The following SEC24A variants were observed in gnomAD, a reference collection of about 807,000 sequenced individuals.
The protein encoded by SEC24A is SEC24 homolog A, COPII component, also known as protein transport protein Sec24A.
SEC24A carries 93 observed loss-of-function variants against 129.4 expected under a neutral mutation model. That is an observed-to-expected ratio of 0.72 (90% CI 0.61 to 0.85). The LOEUF is 0.85. SEC24A is among the 40% of genes least tolerant of loss of function. The pLI, the probability that SEC24A is intolerant of heterozygous loss-of-function variation, is 0.00. For synonymous variants in SEC24A, 460 were observed against 467.3 expected (o/e 0.98, Z 0.20); for missense variants, 1,264 against 1,307.4 (o/e 0.97, Z 0.51).
chr5:134,670,226 A>G (rs995176907), intron 3 of SEC24A, among the ~76,000 whole-genome samples: 2 of 152,168 alleles, frequency 1.3e-5, no homozygotes, highest in African/African-American at 4.8e-5. Context: ...CGCCTTGCCT[A>G]CATTTTTTTA....
chr5:134,687,719 C>A (rs982304613), intron 10 of SEC24A, among the ~76,000 whole-genome samples: 5 of 152,158 alleles, frequency 3.3e-5, no homozygotes, highest in Non-Finnish European at 5.9e-5. Flanking sequence ...GAGTGAAAAA[C>A]AGTTTGTTCT....
chr5:134,700,652 C>G (rs1170886840), intron 15 of SEC24A, among the ~76,000 whole-genome samples: 1 of 150,596 alleles, frequency 6.6e-6, no homozygotes, highest in Non-Finnish European at 1.5e-5. Context: ...GAAGGTCTCT[C>G]TTATCTATCC....
At chr5:134,692,057 C>CTTT (rs61531967) in intron 11 of SEC24A, among the ~76,000 whole-genome samples, 9 of 127,928 alleles carry the variant, frequency 7.0e-5, no homozygotes, top group Admixed American at 1.7e-4. Flanking sequence ...TTTTTCTTTC[C>CTTT]TTTTTTTTTT....
intron 21 of SEC24A, among the ~76,000 whole-genome samples, chr5:134,722,548 C>T (rs553760685): frequency 2.6e-5 from 4 of 152,048 alleles, no homozygotes; most frequent in Non-Finnish European, 4.4e-5. Flanking sequence ...GCCAATATCA[C>T]GCCATTGCAC....
In SEC24A at chr5:134,654,217, A is replaced by AT. The variant is rs1296297507; in HGVS notation, c.97+5044_97+5045insT. 9.5e-4 allele frequency among the ~76,000 whole-genome samples: 143 copies of AT among 150,678 alleles called. 2 individuals carry two copies. The highest frequency in any genetic ancestry group is 9.8e-4 in the East Asian group (5 of 5,126). On this transcript the variant is annotated intron_variant, in intron 1 of 22. Transcript: ENST00000398844. ...TAACAGTAGCCTTTTTCAAAAAAAAAAAATATATATATATATTTTTTGAGA... is the reference window on the plus strand; with the variant it reads ...TAACAGTAGCCTTTTTCAAAAAAAAATAAATATATATATATATTTTTTGAGA...
chr5:134,685,710 G>A (rs1255555612), intron 9 of SEC24A, among the ~76,000 whole-genome samples: 1 of 152,034 alleles, frequency 6.6e-6, no homozygotes, highest in Non-Finnish European at 1.5e-5. Flanking sequence ...TTGGCCAGGT[G>A]CAGTGGCTCA....
intron 7 of SEC24A, among the ~76,000 whole-genome samples, chr5:134,676,525 T>A (rs987412768): frequency 6.4e-5 from 9 of 139,576 alleles, no homozygotes; most frequent in Non-Finnish European, 1.1e-4. Flanking sequence ...CTCACCGCAA[T>A]CTCCGCCTCC....
chr5:134,715,129 A>C lies in SEC24A; in HGVS notation c.2833A>C (p.Ser945Arg). The C allele has an allele frequency of 6.2e-7, 1 of 1,609,082 alleles. No individual in the cohort carries two copies. ...TTACCTTATGCTCACAACTCATCCCAGTTTGTATAGAGTTGACAATCTCTC... is the reference window on the plus strand; with the variant it reads ...TTACCTTATGCTCACAACTCATCCCCGTTTGTATAGAGTTGACAATCTCTC... ...LVYLMLTTHPSLYRVDNLSDE... is the reference protein window; with the variant it reads ...LVYLMLTTHPRLYRVDNLSDE... Residue 945 changes from serine (S) to arginine (R), a missense_variant, in exon 19 of 23, where the codon AGT (serine) becomes CGT (arginine). Ser to Arg is a moderately radical substitution (Grantham distance 110, BLOSUM62 -1). Coordinates refer to ENST00000398844, the MANE Select transcript of SEC24A (RefSeq NM_021982.3).
At chr5:134,686,321 A>G (rs1247916102) in intron 9 of SEC24A, among the ~76,000 whole-genome samples, 2 of 150,638 alleles carry the variant, frequency 1.3e-5, no homozygotes, top group African/African-American at 4.9e-5. Flanking sequence ...TGCAACCTCC[A>G]TCTCTCAGGT....
chr5:134,723,629 T>G lies in SEC24A; in HGVS notation c.3126T>G (p.Leu1042=). 6.2e-7 allele frequency: 1 copy of G among 1,612,832 alleles called. No individual in the cohort carries two copies. The highest frequency in any genetic ancestry group is 1.1e-5 in the South Asian group (1 of 91,036). ...GAATAATAGCTTTCATCTCTTGGCTTAGAGAGCAGAGACCATTTTTCCCAA... is the reference window on the plus strand; with the variant it reads ...GAATAATAGCTTTCATCTCTTGGCTGAGAGAGCAGAGACCATTTTTCCCAA... ...SARIIAFISW[L]REQRPFFPIL... Residue 1042 remains leucine (L), a synonymous_variant, in exon 22 of 23, where the codon CTT becomes CTG. Coordinates refer to ENST00000398844, the MANE Select transcript of SEC24A (RefSeq NM_021982.3).
At chr5:134,665,096 C>T (rs569174165) in intron 2 of SEC24A, among the ~76,000 whole-genome samples, 8 of 151,886 alleles carry the variant, frequency 5.3e-5, no homozygotes, top group African/African-American at 1.4e-4. Context: ...CTGCACCCAG[C>T]CTAATAGGCA....
At chr5:134,700,975 C>T (rs916522308) in intron 15 of SEC24A, among the ~76,000 whole-genome samples, 4 of 152,124 alleles carry the variant, frequency 2.6e-5, no homozygotes, top group African/African-American at 2.4e-5. Context: ...GCCTCGGCCT[C>T]CCAAAGTGCT....
At position 134,714,995 on chromosome 5, in the gene SEC24A, T is replaced by C. The variant is rs1752435075; in HGVS notation, c.2728-29T>C. ...GGATGTATTTTTAAAATATATTCTT[T>C]TGTGGGGAATGGGGGTTTTCTGTTA... On this transcript the variant is annotated intron_variant, in intron 18 of 22. Transcript: ENST00000398844. 2.5e-6 allele frequency: 4 copies of C among 1,600,926 alleles called. No individual in the cohort carries two copies. In the East Asian group the frequency reaches 6.7e-5, roughly 27 times the overall value.
intron 15 of SEC24A, 118 bp downstream of exon 15, chr5:134,698,175 A>C (rs1751887103): frequency 4.8e-6 from 4 of 832,190 alleles, no homozygotes; most frequent in Non-Finnish European, 7.4e-6. Flanking sequence ...ACTCTGGAAT[A>C]TGCAATTAAG....
intron 19 of SEC24A, among the ~76,000 whole-genome samples, chr5:134,717,291 G>A (rs1403442544): frequency 6.6e-6 from 1 of 151,920 alleles, no homozygotes; most frequent in South Asian, 2.1e-4. Context: ...ATCACCTGAA[G>A]TTTGAGGAGT....
intron 11 of SEC24A, 107 bp from the exon 12 acceptor site, chr5:134,692,495 T>TG: frequency 1.6e-6 from 1 of 618,176 alleles, no homozygotes; most frequent in Non-Finnish European, 2.9e-6. Flanking sequence ...GTGGAGGAGG[T>TG]GGCTTATTTT....
intron 2 of SEC24A, among the ~76,000 whole-genome samples, chr5:134,666,143 T>C (rs909679049): frequency 6.6e-6 from 1 of 152,020 alleles, no homozygotes; most frequent in African/African-American, 2.4e-5. Flanking sequence ...ATTTAAATTA[T>C]TAATAATAAA....
chr5:134,675,732 TC>T (rs1212309563), intron 6 of SEC24A, among the ~76,000 whole-genome samples: 2 of 152,200 alleles, frequency 1.3e-5, no homozygotes, highest in African/African-American at 4.8e-5. Context: ...TTAATTTAAT[TC>T]CAGTGTCAAC....
chr5:134,724,588 CAA>C (rs757083360), intron 22 of SEC24A, among the ~76,000 whole-genome samples: 14 of 91,330 alleles, frequency 1.5e-4, no homozygotes, highest in Admixed American at 1.2e-4. Context: ...AACTCCATCT[CAA>C]AAAAAAAAAA....
Sources: gnomAD v4.1 joint callset for allele counts (sites outside exome capture counted in the v4.1 genomes callset) on GRCh38, gnomAD v4.1.1 for gene constraint, MANE v1.5 for transcripts, NCBI Gene and HGNC (gene_info 2026-07-23, HGNC 2026-07-21) for gene names.